Variants in DLG2 observed in about 807,000 individuals in gnomAD.
The protein encoded by DLG2 is discs large MAGUK scaffold protein 2, also known as disks large homolog 2.
Under a neutral mutation model 132.5 loss-of-function variants are expected in DLG2, and 45 were observed. The ratio of observed to expected loss-of-function variants is 0.34; its 90% CI spans 0.27 to 0.44. DLG2 has a LOEUF of 0.44. Among genes scored for constraint, DLG2 ranks in the 20% least tolerant of loss-of-function variants. DLG2 has a pLI of 1.00. For missense variants in DLG2, 1,045 were observed against 1,196.9 expected, an observed-to-expected ratio of 0.87 and a Z score of 1.87; for synonymous variants, 424 against 419.6, an observed-to-expected ratio of 1.01 and a Z score of -0.13.
intron 4 of DLG2, among the ~76,000 whole-genome samples, chr11:85,275,874 C>T (rs973920985): frequency 5.3e-5 from 8 of 151,888 alleles, no homozygotes; most frequent in Non-Finnish European, 1.0e-4. Context: ...CTTACAATAA[C>T]TATAACACAA....
intron 10 of DLG2, among the ~76,000 whole-genome samples, chr11:84,087,388 G>A (rs2097004631): frequency 6.6e-6 from 1 of 152,082 alleles, no homozygotes; most frequent in African/African-American, 2.4e-5. Context: ...TTGATTTGCT[G>A]TTCACCAATG....
chr11:85,293,372 C>T (rs2079029050), intron 3 of DLG2, among the ~76,000 whole-genome samples: 1 of 152,046 alleles, frequency 6.6e-6, no homozygotes, highest in Non-Finnish European at 1.5e-5. Context: ...TGAGAACAAC[C>T]TGGGCAATAT....
intron 6 of DLG2, among the ~76,000 whole-genome samples, chr11:84,788,616 A>G (rs2073323823): frequency 6.6e-6 from 1 of 152,104 alleles, no homozygotes; most frequent in Non-Finnish European, 1.5e-5. Flanking sequence ...GTGTATATTT[A>G]TTATAAATAT....
chr11:85,058,233 A>T (rs1374673141), intron 6 of DLG2, among the ~76,000 whole-genome samples: 1 of 151,588 alleles, frequency 6.6e-6, no homozygotes. Flanking sequence ...ATAAAAATCA[A>T]TTGCATTTCT....
intron 6 of DLG2, among the ~76,000 whole-genome samples, chr11:84,608,637 C>T (rs1453716624): frequency 6.6e-6 from 1 of 152,100 alleles, no homozygotes; most frequent in African/African-American, 2.4e-5. Context: ...AGCCTCAGGG[C>T]CCAGTTTTTT....
At chr11:84,389,880 A>G (rs1278143791) in intron 7 of DLG2, among the ~76,000 whole-genome samples, 1 of 152,184 alleles carries the variant, frequency 6.6e-6, no homozygotes, top group East Asian at 1.9e-4. Context: ...CTTCAAATTC[A>G]TGAGGTAACA....
Position 83,579,956 on chromosome 11 carries a change from C to T in DLG2, c.1941-38098G>A, listed in dbSNP as rs369647214. Among the ~76,000 whole-genome samples the T allele has an allele frequency of 8.6e-5, 13 of 151,538 alleles. No individual in the cohort carries two copies. The East Asian group carries it at 2.1e-3, about 25-fold the overall frequency. On this transcript the variant is annotated intron_variant, in intron 19 of 27. Transcript: ENST00000376104. ...CTGCACTCCAGCCTGGGTGACAGAG[C>T]GAGACTCTATCTCAAAATAAATAAA...
At chr11:84,277,401 T>C (rs117387793) in intron 7 of DLG2, among the ~76,000 whole-genome samples, 5,690 of 152,152 alleles carry the variant, frequency 0.037, 125 homozygotes, top group South Asian at 0.081. Context: ...TAGGACTAAG[T>C]TGAAAATCAA....
chr11:84,830,280 C>T (rs1480692818), intron 6 of DLG2, among the ~76,000 whole-genome samples: 1 of 151,288 alleles, frequency 6.6e-6, no homozygotes, highest in Non-Finnish European at 1.5e-5. Context: ...GATCATATGA[C>T]CTTCACAGAA....
intron 6 of DLG2, among the ~76,000 whole-genome samples, chr11:84,588,966 C>G (rs2099536387): frequency 6.6e-6 from 1 of 152,018 alleles, no homozygotes; most frequent in African/African-American, 2.4e-5. Context: ...GGATTGGGAC[C>G]CCTTTCTGGT....
At chr11:84,142,159 G>A (rs2094879003) in intron 9 of DLG2, among the ~76,000 whole-genome samples, 1 of 151,862 alleles carries the variant, frequency 6.6e-6, no homozygotes, top group African/African-American at 2.4e-5. Context: ...AAAATTAGCT[G>A]CACATGGTGG....
intron 6 of DLG2, among the ~76,000 whole-genome samples, chr11:84,755,614 G>A (rs2066765483): frequency 6.6e-6 from 1 of 152,142 alleles, no homozygotes; most frequent in African/African-American, 2.4e-5. Flanking sequence ...TAGTGGAGAC[G>A]GGGTTACACC....
At chr11:84,642,811 TAGCCCTG>T (rs909173057) in intron 6 of DLG2, among the ~76,000 whole-genome samples, 1 of 151,500 alleles carries the variant, frequency 6.6e-6, no homozygotes, top group African/African-American at 2.4e-5. Flanking sequence ...AATTTTGTAG[TAGCCCTG>T]AGAAATGACA....
intron 6 of DLG2, among the ~76,000 whole-genome samples, chr11:84,670,616 A>G (rs989649612): frequency 6.6e-6 from 1 of 152,130 alleles, no homozygotes; most frequent in African/African-American, 2.4e-5. Flanking sequence ...ACAAACCACT[A>G]TTGATTGAAC....
At chr11:85,477,954 A>G (rs1302165499) in intron 3 of DLG2, among the ~76,000 whole-genome samples, 2 of 152,034 alleles carry the variant, frequency 1.3e-5, no homozygotes, top group Non-Finnish European at 2.9e-5. Context: ...TATTTAAACT[A>G]ACAGTTTCTC....
At chr11:83,520,217 C>G (rs2095427758) in intron 21 of DLG2, among the ~76,000 whole-genome samples, 1 of 152,180 alleles carries the variant, frequency 6.6e-6, no homozygotes, top group African/African-American at 2.4e-5. Flanking sequence ...CTTATATTGA[C>G]AAGTGCTTGT....
At chr11:85,394,357 G>A (rs1232782416) in intron 3 of DLG2, among the ~76,000 whole-genome samples, 3 of 152,080 alleles carry the variant, frequency 2.0e-5, no homozygotes, top group Non-Finnish European at 1.5e-5. Flanking sequence ...ACATTAGTAC[G>A]TTTAAAATTT....
chr11:84,724,118 C>G (rs903468566), intron 6 of DLG2, among the ~76,000 whole-genome samples: 29 of 152,108 alleles, frequency 1.9e-4, no homozygotes, highest in African/African-American at 6.5e-4. Context: ...CTACTAGGAG[C>G]CATGGTGCTG....
intron 7 of DLG2, among the ~76,000 whole-genome samples, chr11:84,507,732 T>G (rs2099245626): frequency 6.6e-6 from 1 of 152,250 alleles, no homozygotes; most frequent in Admixed American, 6.5e-5. Context: ...GAGATGATCA[T>G]AAGCTTTTTG....
Sources: gnomAD v4.1 joint callset for allele counts (sites outside exome capture counted in the v4.1 genomes callset) on GRCh38, gnomAD v4.1.1 for gene constraint, MANE v1.5 for transcripts, NCBI Gene and HGNC (gene_info 2026-07-23, HGNC 2026-07-21) for gene names.